The following ARHGEF28 variants were observed in gnomAD, a reference collection of about 807,000 sequenced individuals.
The protein encoded by ARHGEF28 is Rho guanine nucleotide exchange factor 28.
ARHGEF28 carries 152 observed loss-of-function variants against 206.6 expected under a neutral mutation model. The ratio of observed to expected loss-of-function variants is 0.74; its 90% CI spans 0.64 to 0.84. The LOEUF is 0.84. Ranked by LOEUF, ARHGEF28 falls within the 40% of genes least tolerant of loss-of-function variation. The pLI is 0.00. For synonymous variants in ARHGEF28, 763 were observed against 776.4 expected (o/e 0.98, Z 0.29); for missense variants, 2,028 against 2,073.2 (o/e 0.98, Z 0.42).
rs1013468251 is a variant in ARHGEF28 at position 73,691,972 on chromosome 5, T to C, written c.33+7088T>C. Among the ~76,000 whole-genome samples the C allele has an allele frequency of 2.6e-5, 4 of 152,184 alleles. No homozygotes were observed. In the East Asian group the frequency reaches 5.8e-4, roughly 22 times the overall value. ...AGGGCATACATATTTTAAATTTTAG[T>C]GGATTGCTTTGCAAATGAGATCTAA... On this transcript the variant is annotated intron_variant, in intron 2 of 35. Transcript: ENST00000513042.
intron 35 of ARHGEF28, among the ~76,000 whole-genome samples, chr5:73,916,731 T>A (rs2111950364): frequency 6.6e-6 from 1 of 152,306 alleles, no homozygotes; most frequent in East Asian, 1.9e-4. Context: ...GTTCAGCTCT[T>A]AACAGGGGAC....
intron 29 of ARHGEF28, among the ~76,000 whole-genome samples, chr5:73,896,972 C>G (rs531450122): frequency 1.3e-5 from 2 of 152,146 alleles, no homozygotes; most frequent in African/African-American, 2.4e-5. Flanking sequence ...CATTTGCAGC[C>G]GAAAGATGGA....
At chr5:73,703,489 C>T (rs1748719807) in intron 2 of ARHGEF28, among the ~76,000 whole-genome samples, 1 of 152,028 alleles carries the variant, frequency 6.6e-6, no homozygotes, top group Non-Finnish European at 1.5e-5. Flanking sequence ...GGTCAGGTAG[C>T]CCACAGGAGT....
Position 73,637,263 on chromosome 5 carries a change from TG to T in ARHGEF28, c.-12+10943del, listed in dbSNP as rs1354903138. ...TTAGCTAAAATAAGAACTTATATAA[TG>T]GTTCCATCCCCTCTCTCCCTTCCCC... On this transcript the variant is annotated intron_variant, in intron 1 of 35. Coordinates refer to ENST00000513042, the MANE Select transcript of ARHGEF28 (RefSeq NM_001177693.2). Among the ~76,000 whole-genome samples, 6 of 152,144 alleles carry T rather than the reference TG, an allele frequency of 3.9e-5. No individual in the cohort carries two copies. The South Asian group carries it at 1.0e-3, about 26-fold the overall frequency.
At chr5:73,892,653 A>G (rs1306787817) in intron 27 of ARHGEF28, among the ~76,000 whole-genome samples, 1 of 152,142 alleles carries the variant, frequency 6.6e-6, no homozygotes, top group African/African-American at 2.4e-5. Flanking sequence ...GGCAGGGTTC[A>G]TGTCTTATGT....
chr5:73,678,573 A>C (rs1394363274), intron 1 of ARHGEF28, among the ~76,000 whole-genome samples: 1 of 152,170 alleles, frequency 6.6e-6, no homozygotes, highest in African/African-American at 2.4e-5. Context: ...TCCTTCGTGA[A>C]GCTGTGTGAT....
intron 9 of ARHGEF28, among the ~76,000 whole-genome samples, chr5:73,815,806 C>T (rs1230379355): frequency 6.6e-6 from 1 of 152,188 alleles, no homozygotes; most frequent in Non-Finnish European, 1.5e-5. Flanking sequence ...ATAAATTAAA[C>T]ATGACTCAAG....
At chr5:73,674,714 C>T (rs1204440483) in intron 1 of ARHGEF28, among the ~76,000 whole-genome samples, 1 of 152,202 alleles carries the variant, frequency 6.6e-6, no homozygotes, top group African/African-American at 2.4e-5. Flanking sequence ...CTCCACCCCC[C>T]AACCTCTGGG....
At chr5:73,781,154 A>G (rs192724633) in intron 7 of ARHGEF28, among the ~76,000 whole-genome samples, 15 of 152,266 alleles carry the variant, frequency 9.9e-5, no homozygotes, top group Admixed American at 9.2e-4. Context: ...GGAAGTCATG[A>G]AGGAGTTTTT....
At chr5:73,839,773 G>T (rs922408792) in intron 10 of ARHGEF28, among the ~76,000 whole-genome samples, 30 of 152,022 alleles carry the variant, frequency 2.0e-4, no homozygotes, top group Admixed American at 4.6e-4. Flanking sequence ...TTGAAATTTG[G>T]GCATTTTCTT....
rs372604490 is a variant in ARHGEF28, at chr5:73,781,247, GCCC to G, written c.910+503_910+505del. Among the ~76,000 whole-genome samples, 57 of 152,274 alleles carry G rather than the reference GCCC, an allele frequency of 3.7e-4. No individual in the cohort carries two copies. The East Asian group carries it at 8.7e-3, about 23-fold the overall frequency. The stretch of plus-strand genomic sequence containing the variant: ...TGGATGTTCATCAAGATACAGAACA[GCCC>G]TATGCAACTAAGAGTCGTCCTGTAC... On this transcript the variant is annotated intron_variant, in intron 7 of 35. Transcript: ENST00000513042.
chr5:73,753,330 TG>T, intron 4 of ARHGEF28, 128 bp downstream of exon 4: 1 of 1,020,512 alleles, frequency 9.8e-7, no homozygotes, highest in South Asian at 2.1e-5. Context: ...TGCTCTGATG[TG>T]GAGGGGCTCC....
At chr5:73,768,415 C>T (rs529876785) in intron 4 of ARHGEF28, among the ~76,000 whole-genome samples, 1 of 152,202 alleles carries the variant, frequency 6.6e-6, no homozygotes, top group Admixed American at 6.5e-5. Flanking sequence ...TGCCCAAGAC[C>T]ATGGGAAACC....
Position 73,883,753 on chromosome 5 carries a change from A to G in ARHGEF28, c.2938-14A>G. 6.7e-7 allele frequency: 1 copy of G among 1,500,022 alleles called. No homozygotes were observed. Among genetic ancestry groups the G allele is most frequent in the Non-Finnish European group, 9.0e-7 (1 of 1,109,002 alleles). The allele number at this position is 1,500,022 out of a possible 1,614,324, so 92.9% of individuals were successfully genotyped here. On this transcript the variant is annotated splice_polypyrimidine_tract_variant and intron_variant, in intron 23 of 35. Coordinates refer to ENST00000513042, the MANE Select transcript of ARHGEF28 (RefSeq NM_001177693.2). ...AGGTAGAATTTGTGTACATAAAAGT[A>G]TATATTTTTTAAGCTCCGAAATAGT... is the stretch of plus-strand genomic sequence containing the variant.
chr5:73,937,231 A>C (rs1240905301), intron 35 of ARHGEF28, among the ~76,000 whole-genome samples: 1 of 152,226 alleles, frequency 6.6e-6, no homozygotes, highest in Non-Finnish European at 1.5e-5. Flanking sequence ...GGATACCTGT[A>C]ATTTTTTGAA....
intron 2 of ARHGEF28, among the ~76,000 whole-genome samples, chr5:73,695,724 C>A (rs774493327): frequency 3.3e-5 from 5 of 152,210 alleles, no homozygotes; most frequent in Non-Finnish European, 5.9e-5. Context: ...TCCTCTCTCT[C>A]TCCTCAGCCA....
At chr5:73,722,682 G>GA (rs1456329551) in intron 2 of ARHGEF28, among the ~76,000 whole-genome samples, 1 of 152,166 alleles carries the variant, frequency 6.6e-6, no homozygotes, top group Admixed American at 6.5e-5. Context: ...TTAATCTCCA[G>GA]AAAATCCCTG....
chr5:73,681,612 G>A (rs1747102080), intron 1 of ARHGEF28, among the ~76,000 whole-genome samples: 2 of 151,612 alleles, frequency 1.3e-5, no homozygotes, highest in South Asian at 4.2e-4. Context: ...GTCAGGAGTT[G>A]GAGACAATCC....
intron 1 of ARHGEF28, among the ~76,000 whole-genome samples, chr5:73,657,129 C>T (rs150071295): frequency 7.6e-4 from 108 of 142,640 alleles, no homozygotes; most frequent in African/African-American, 2.7e-3. Context: ...GCCGAGATTG[C>T]GCCACTGCTC....
Sources: allele counts gnomAD v4.1 joint callset (sites outside exome capture counted in the v4.1 genomes callset), GRCh38; gene constraint gnomAD v4.1.1; transcripts MANE v1.5; gene names NCBI Gene and HGNC (gene_info 2026-07-23, HGNC 2026-07-21).